The following STMND1 variants were observed in gnomAD, a reference collection of about 807,000 sequenced individuals.
STMND1 encodes the protein stathmin domain containing 1.
A neutral mutation model predicts 23.0 loss-of-function variants in STMND1; 17 were observed. The observed-to-expected ratio is 0.74, with a 90% CI of 0.51 to 1.11. The LOEUF is 1.11. Ranked by LOEUF, STMND1 falls within the 50% of genes least tolerant of loss-of-function variation. The probability of loss-of-function intolerance (pLI) is 0.00; values close to 1 mark genes in which losing one functional copy is unlikely to be tolerated. For synonymous variants in STMND1, 114 were observed against 119.9 expected (o/e 0.95, Z 0.32); for missense variants, 305 against 329.1 (o/e 0.93, Z 0.57).
chr6:17,115,174 C>T, intron 2 of STMND1, 35 bp downstream of exon 2: 1 of 1,504,706 alleles, frequency 6.6e-7, no homozygotes, highest in African/African-American at 1.4e-5. Context: ...CGTAGATCTT[C>T]ACAAAATACT....
intron 1 of STMND1, among the ~76,000 whole-genome samples, chr6:17,113,733 T>G (rs3949961): frequency 0.31 from 46,851 of 151,118 alleles, 7,386 homozygotes; most frequent in Middle Eastern, 0.34. Context: ...CTCCCAAAGT[T>G]CTGGGGTTAC....
chr6:17,127,424 C>A (rs1254639239), intron 3 of STMND1, among the ~76,000 whole-genome samples: 5 of 152,172 alleles, frequency 3.3e-5, no homozygotes, highest in Admixed American at 1.3e-4. Flanking sequence ...GTGGCACACA[C>A]CTGTAATCCC....
intron 1 of STMND1, among the ~76,000 whole-genome samples, chr6:17,105,261 G>A (rs1027531277): frequency 6.6e-6 from 1 of 152,180 alleles, no homozygotes; most frequent in African/African-American, 2.4e-5. Flanking sequence ...GTTGTTGTGA[G>A]GGTTAAATAA....
intron 4 of STMND1, 52 bp from the exon 5 acceptor site, chr6:17,130,542 A>G (rs1761376083): frequency 7.3e-7 from 1 of 1,363,654 alleles, no homozygotes; most frequent in East Asian, 2.5e-5. Context: ...ATTAATCACA[A>G]CTTGGAGAAA....
At chr6:17,102,903 G>A (rs1329338319) in intron 1 of STMND1, among the ~76,000 whole-genome samples, 1 of 152,160 alleles carries the variant, frequency 6.6e-6, no homozygotes, top group Non-Finnish European at 1.5e-5. Context: ...TAATTTGGGG[G>A]CACAGCGAAG....
intron 1 of STMND1, among the ~76,000 whole-genome samples, chr6:17,107,476 A>C (rs558416921): frequency 6.6e-6 from 1 of 152,278 alleles, no homozygotes; most frequent in East Asian, 1.9e-4. Context: ...AACACACTGA[A>C]TCCGTACCCC....
At chr6:17,108,074 T>C (rs1305708571) in intron 1 of STMND1, among the ~76,000 whole-genome samples, 1 of 152,226 alleles carries the variant, frequency 6.6e-6, no homozygotes, top group African/African-American at 2.4e-5. Flanking sequence ...GTTTATGTTG[T>C]TTCATGATAA....
At chr6:17,103,873 A>AC (rs112600961) in intron 1 of STMND1, among the ~76,000 whole-genome samples, 2,464 of 152,144 alleles carry the variant, frequency 0.016, 59 homozygotes, top group African/African-American at 0.056. Flanking sequence ...CCCTGCTAGG[A>AC]CCCATTACCT....
chr6:17,120,848 G>C, intron 3 of STMND1, 90 bp downstream of exon 3: 1 of 1,054,632 alleles, frequency 9.5e-7, no homozygotes, highest in Non-Finnish European at 1.3e-6. Context: ...GCATATGCAA[G>C]TTACAATACA....
rs1561926872 is a variant in STMND1, at chr6:17,130,754, GA to G, written c.708del (p.Lys236AsnfsTer3). On this transcript the variant is annotated frameshift_variant, in exon 5 of 5. Coordinates refer to ENST00000536551, the MANE Select transcript of STMND1 (RefSeq NM_001190766.2). LOFTEE classifies it low-confidence loss of function (END_TRUNC). Reference sequence around the variant, plus strand: ...TTTGAACCATCTGACCTGCAGGGAGGAAAACCATTGAAGAGGAAGAAGAGTA... The same window carrying G: ...TTTGAACCATCTGACCTGCAGGGAGGAAACCATTGAAGAGGAAGAAGAGTA... ...AGFEPSDLQG[G>X]KPLKRKKSKC... The G allele has an allele frequency of 1.3e-6, 2 of 1,536,082 alleles. No homozygotes were observed. The highest frequency in any genetic ancestry group is 4.9e-5 in the East Asian group (2 of 40,900).
At chr6:17,111,920 T>C (rs1038268878) in intron 1 of STMND1, among the ~76,000 whole-genome samples, 2 of 152,162 alleles carry the variant, frequency 1.3e-5, no homozygotes, top group African/African-American at 4.8e-5. Context: ...GAAGCTTCTG[T>C]TTATAAACAC....
rs1761219975 is a variant in STMND1 at position 17,120,611 on chromosome 6, A to G, written c.264A>G (p.Leu88=). The G allele has an allele frequency of 6.7e-7, 1 of 1,492,528 alleles. No homozygotes were observed. Among genetic ancestry groups the G allele is most frequent in the Non-Finnish European group, 8.8e-7 (1 of 1,130,668 alleles). 92.5% of individuals were successfully genotyped at this position (1,492,528 alleles called of 1,614,324 possible). Residue 88 remains leucine, a synonymous_variant, in exon 3 of 5, where the codon CTA becomes CTG. Transcript: ENST00000536551. ...TCTTTTCTTCTTTTTTGGAAGACCT[A>G]GTGACCAATGGATTAATCAATAAAC... The part of the protein sequence containing the change: ...SERNRRVNSD[L]VTNGLINKPQ...
chr6:17,117,039 A>AC (rs1761171451), intron 2 of STMND1, among the ~76,000 whole-genome samples: 1 of 152,068 alleles, frequency 6.6e-6, no homozygotes, highest in Non-Finnish European at 1.5e-5. Flanking sequence ...TAATCACTAT[A>AC]CAAGGATCAA....
At chr6:17,126,059 TATATATATATA>T (rs1176514627) in intron 3 of STMND1, among the ~76,000 whole-genome samples, 252 of 27,136 alleles carry the variant, frequency 9.3e-3, no homozygotes, top group Non-Finnish European at 0.013. Flanking sequence ...TATATATATA[TATATATATATA>T]TTTTTTTTTT....
At chr6:17,108,607 G>T (rs185892891) in intron 1 of STMND1, among the ~76,000 whole-genome samples, 1 of 152,076 alleles carries the variant, frequency 6.6e-6, no homozygotes, top group East Asian at 1.9e-4. Flanking sequence ...GGAAAACAGT[G>T]TTCAACATGA....
rs1760951430 is a variant in STMND1 at position 17,102,304 on chromosome 6, G to A, written c.47G>A (p.Arg16His). The change falls in exon 1 of 5, where the codon CGC (arginine) becomes CAC (histidine). Residue 16 changes from arginine to histidine, a missense_variant. Transcript: ENST00000536551. ...CCTGCTGAAGACCGGAGACGTGTAC[G>A]CGCGCCCAAGAAGGGCTGGAAAGAG... is the stretch of plus-strand genomic sequence containing the variant. ...SQPAEDRRRV[R>H]APKKGWKEEF... 8 of 1,535,938 alleles carry A rather than the reference G, an allele frequency of 5.2e-6. No individual in the cohort carries two copies. The highest frequency in any genetic ancestry group is 6.1e-6 in the Non-Finnish European group (7 of 1,146,878).
At chr6:17,113,953 C>CTA (rs1035701651) in intron 1 of STMND1, among the ~76,000 whole-genome samples, 22 of 152,290 alleles carry the variant, frequency 1.4e-4, no homozygotes, top group African/African-American at 4.8e-4. Context: ...TCTACTGCTG[C>CTA]TATAGCCAAT....
intron 1 of STMND1, 146 bp from the exon 2 acceptor site, chr6:17,114,816 G>C: frequency 1.2e-6 from 1 of 821,468 alleles, no homozygotes; most frequent in Non-Finnish European, 1.8e-6. Flanking sequence ...GGCCCAGGGG[G>C]TTGGGGACCC....
intron 3 of STMND1, 147 bp downstream of exon 3, chr6:17,120,905 C>A: frequency 2.8e-6 from 2 of 706,664 alleles, no homozygotes; most frequent in Non-Finnish European, 4.5e-6. Flanking sequence ...TAAATTCCCC[C>A]CACATCTCTG....
Sources: gnomAD v4.1 joint callset for allele counts (sites outside exome capture counted in the v4.1 genomes callset) on GRCh38, gnomAD v4.1.1 for gene constraint, MANE v1.5 for transcripts, NCBI Gene and HGNC (gene_info 2026-07-23, HGNC 2026-07-21) for gene names.